RBL2: variants seen among roughly 807,000 people sequenced by gnomAD.
RBL2 encodes the protein retinoblastoma-like protein 2.
Under a neutral mutation model 126.0 loss-of-function variants are expected in RBL2, and 56 were observed. That is an observed-to-expected ratio of 0.44 (90% CI 0.36 to 0.56). The LOEUF (loss-of-function observed/expected upper bound fraction) is 0.56. Ranked by LOEUF, RBL2 falls within the 20% of genes least tolerant of loss-of-function variation. The pLI, the probability that RBL2 is intolerant of heterozygous loss-of-function variation, is 0.00. For synonymous variants in RBL2, 454 were observed against 478.5 expected, an observed-to-expected ratio of 0.95 and a Z score of 0.67; for missense variants, 1,229 against 1,398.2, an observed-to-expected ratio of 0.88 and a Z score of 1.93.
Position 53,465,525 on chromosome 16 carries a change from C to T in RBL2, c.1786C>T (p.His596Tyr). ...TCAGATTGAAGAACAGATCTTAGAT[C>T]ATTTGGCATGGAAACCAGAGTCTCC... Reference protein sequence around the residue: ...LNQIEEQILDHLAWKPESPLW... With the variant: ...LNQIEEQILDYLAWKPESPLW... Residue 596 changes from histidine to tyrosine, a missense_variant, in exon 13 of 22, where the codon CAT becomes TAT. Transcript: ENST00000262133. 1 of 1,606,734 alleles carries T rather than the reference C, an allele frequency of 6.2e-7. No individual in the cohort carries two copies. The highest frequency in any genetic ancestry group is 8.5e-7 in the Non-Finnish European group (1 of 1,176,768).
chr16:53,472,121 T>C (rs1400500741), intron 17 of RBL2, among the ~76,000 whole-genome samples: 2 of 152,228 alleles, frequency 1.3e-5, no homozygotes, highest in Admixed American at 1.3e-4. Context: ...CTGAATGATA[T>C]TCCATTGTAT....
intron 1 of RBL2, 137 bp downstream of exon 1, chr16:53,434,933 G>C: frequency 1.5e-6 from 2 of 1,304,120 alleles, no homozygotes; most frequent in Non-Finnish European, 2.0e-6. Flanking sequence ...CTTCCTCTGC[G>C]CTATTCCGAG....
At position 53,441,354 on chromosome 16, in the gene RBL2, G is replaced by A. The variant is rs556938893; in HGVS notation, c.372-1304G>A. ...GGTGGTATCTAGTAATATTGAAGGTGCACATTCTCTTACTGTACTTCTTGG... is the reference window on the plus strand; with the variant it reads ...GGTGGTATCTAGTAATATTGAAGGTACACATTCTCTTACTGTACTTCTTGG... On this transcript the variant is annotated intron_variant, in intron 2 of 21. Coordinates refer to ENST00000262133, the MANE Select transcript of RBL2 (RefSeq NM_005611.4). Among the ~76,000 whole-genome samples, 6 of 152,200 alleles carry A rather than the reference G, an allele frequency of 3.9e-5. 1 individual carries two copies. The South Asian group carries it at 1.2e-3, about 32-fold the overall frequency.
At chr16:53,450,150 C>A (rs1213657560) in intron 4 of RBL2, among the ~76,000 whole-genome samples, 1 of 152,096 alleles carries the variant, frequency 6.6e-6, no homozygotes. Context: ...TTGGCTGTAT[C>A]AATGCACAGT....
chr16:53,472,412 C>G lies in RBL2; in HGVS notation c.2703+1490C>G, dbSNP rs534611858. Among the ~76,000 whole-genome samples the G allele has an allele frequency of 4.3e-3, 654 of 152,318 alleles. 8 individuals are homozygous for G. Among genetic ancestry groups the G allele is most frequent in the African/African-American group, 0.014 (601 of 41,554 alleles). On this transcript the variant is annotated intron_variant, in intron 17 of 21. Transcript: ENST00000262133. The stretch of plus-strand genomic sequence containing the variant: ...CACAAGAGTTCCAGTTTCTCCACAT[C>G]CTTGCCAACTTATTATTTTTATTAT...
chr16:53,439,315 G>C (rs2057991676), intron 2 of RBL2, among the ~76,000 whole-genome samples, 169 bp downstream of exon 2: 1 of 152,094 alleles, frequency 6.6e-6, no homozygotes, highest in Non-Finnish European at 1.5e-5. Context: ...TTATATCACA[G>C]TTAATATCCA....
At chr16:53,435,234 C>T (rs2057946330) in intron 1 of RBL2, among the ~76,000 whole-genome samples, 1 of 152,144 alleles carries the variant, frequency 6.6e-6, no homozygotes, top group Admixed American at 6.5e-5. Context: ...CTGTTCGCTT[C>T]CCCCTGTTAA....
Position 53,468,610 on chromosome 16 carries a change from A to T in RBL2, c.1976-1306A>T, listed in dbSNP as rs573247423. Among the ~76,000 whole-genome samples, 19 of 152,306 alleles carry T rather than the reference A, an allele frequency of 1.2e-4. No individual in the cohort carries two copies. In the South Asian group the frequency reaches 3.9e-3, roughly 32 times the overall value. ...TCTTGATATTTTATAAGAAAAAATGATCATAATCTATTCTTTCTGATTCTG... is the reference window on the plus strand; with the variant it reads ...TCTTGATATTTTATAAGAAAAAATGTTCATAATCTATTCTTTCTGATTCTG... On this transcript the variant is annotated intron_variant, in intron 14 of 21. Coordinates refer to ENST00000262133, the MANE Select transcript of RBL2 (RefSeq NM_005611.4).
chr16:53,461,816 C>T lies in RBL2; in HGVS notation c.1422C>T (p.Phe474=), dbSNP rs2058223822. 4 of 1,612,448 alleles carry T rather than the reference C, an allele frequency of 2.5e-6. No individual in the cohort carries two copies. In the East Asian group the frequency reaches 9.0e-5, roughly 36 times the overall value. Residue 474 remains phenylalanine (F), a synonymous_variant, in exon 10 of 22, where the codon TTC becomes TTT. Transcript: ENST00000262133. ...KEMFEIYSQH[F]QPDEDFSNCA... ...TGTTTGAAATATATTCTCAGCATTT[C>T]CAGCCAGACGAGGATTTCAGTAATT... is the stretch of plus-strand genomic sequence containing the variant.
At position 53,454,709 on chromosome 16, in the gene RBL2, A is replaced by G; in HGVS notation, c.1046A>G (p.Asp349Gly). ...TATGTTTTATCTGTTGGGAATTTAG[A>G]TGAGCGGATATTTCTTGGAGAGGAT... The part of the protein sequence containing the change: ...EEYVLSVGNL[D>G]ERIFLGEDAE... Residue 349 changes from aspartate to glycine, a missense_variant, in exon 8 of 22, where the codon GAT (aspartate) becomes GGT (glycine). Physicochemically the swap from Asp to Gly is moderately conservative, Grantham distance 94. Transcript: ENST00000262133. 6.2e-7 allele frequency: 1 copy of G among 1,614,068 alleles called. No individual in the cohort carries two copies. The highest frequency in any genetic ancestry group is 1.1e-5 in the South Asian group (1 of 91,080).
In RBL2 at chr16:53,470,790, A is replaced by T. The variant is rs773522953; in HGVS notation, c.2571A>T (p.Lys857Asn). Residue 857 changes from lysine (K) to asparagine (N), a missense_variant, in exon 17 of 22, where the codon AAA becomes AAT. Transcript: ENST00000262133. ...AAVRLRDLCA[K>N]LDISDELRKK... Reference sequence around the variant, plus strand: ...TCCGCCTTCGGGATCTCTGTGCCAAACTAGATATTTCAGATGAATTGAGGA... The same window carrying T: ...TCCGCCTTCGGGATCTCTGTGCCAATCTAGATATTTCAGATGAATTGAGGA... 1 of 1,614,230 alleles carries T rather than the reference A, an allele frequency of 6.2e-7. No homozygotes were observed. Among genetic ancestry groups the T allele is most frequent in the Non-Finnish European group, 8.5e-7 (1 of 1,180,032 alleles).
intron 1 of RBL2, among the ~76,000 whole-genome samples, chr16:53,436,773 T>C (rs556989068): frequency 6.6e-6 from 1 of 152,366 alleles, no homozygotes; most frequent in Admixed American, 6.5e-5. Context: ...CACTGTGTTA[T>C]AGCTACTGTA....
At chr16:53,449,779 C>G (rs1342709495) in intron 4 of RBL2, among the ~76,000 whole-genome samples, 1 of 152,018 alleles carries the variant, frequency 6.6e-6, no homozygotes, top group Non-Finnish European at 1.5e-5. Flanking sequence ...TGAAACATTT[C>G]TATTTACTTG....
intron 12 of RBL2, chr16:53,464,593 A>AAAAGCTTTGATTCCTCTCTATCTAT: frequency 8.8e-6 from 3 of 341,234 alleles, no homozygotes; most frequent in Non-Finnish European, 5.1e-6. Context: ...TCTCTATCTA[A>AAAAGCTTTGATTCCTCTCTATCTAT]TAAAAGTTTT....
chr16:53,442,293 G>A (rs1005483506), intron 2 of RBL2, among the ~76,000 whole-genome samples: 9 of 152,084 alleles, frequency 5.9e-5, no homozygotes, highest in South Asian at 2.1e-4. Flanking sequence ...GTGATAGAAC[G>A]AAACCCTATC....
At chr16:53,477,360 C>A (rs966874983) in intron 17 of RBL2, among the ~76,000 whole-genome samples, 2 of 152,098 alleles carry the variant, frequency 1.3e-5, no homozygotes, top group Non-Finnish European at 2.9e-5. Flanking sequence ...TTTTTTAAGA[C>A]TGAGTCTTGC....
chr16:53,477,636 C>A (rs1960782220), intron 17 of RBL2, among the ~76,000 whole-genome samples: 1 of 152,188 alleles, frequency 6.6e-6, no homozygotes, highest in Non-Finnish European at 1.5e-5. Context: ...GTAGCCACTA[C>A]ACCCAGCCTA....
chr16:53,489,659 G>C (rs879746774), intron 21 of RBL2: 1 of 152,202 alleles, frequency 6.6e-6, no homozygotes, highest in Admixed American at 6.5e-5. Context: ...GATACCTTAG[G>C]GGGGGATTAA....
chr16:53,444,443 C>CT (rs2153139021), intron 3 of RBL2, among the ~76,000 whole-genome samples: 2 of 151,844 alleles, frequency 1.3e-5, no homozygotes, highest in African/African-American at 4.8e-5. Flanking sequence ...ATCCCAGCTA[C>CT]TTGGGAGGGA....
Sources: allele counts gnomAD v4.1 joint callset (sites outside exome capture counted in the v4.1 genomes callset), GRCh38; gene constraint gnomAD v4.1.1; transcripts MANE v1.5; gene names NCBI Gene and HGNC (gene_info 2026-07-23, HGNC 2026-07-21).